Variants in GALNT1 observed in about 807,000 individuals in gnomAD.
GALNT1 encodes the protein polypeptide N-acetylgalactosaminyltransferase 1, also known as GalNAc transferase 1.
Under a neutral mutation model 65.7 loss-of-function variants are expected in GALNT1, and 17 were observed. That is an observed-to-expected ratio of 0.26 (90% CI 0.18 to 0.39). GALNT1 has a LOEUF of 0.39. Ranked by LOEUF, GALNT1 falls within the 10% of genes least tolerant of loss-of-function variation. GALNT1 has a pLI of 1.00. For missense variants in GALNT1, 460 were observed against 672.8 expected (o/e 0.68, Z 3.50); for synonymous variants, 210 against 219.7 (o/e 0.96, Z 0.39).
chr18:35,591,517 C>A (rs1041476252), intron 1 of GALNT1, among the ~76,000 whole-genome samples: 1 of 152,166 alleles, frequency 6.6e-6, no homozygotes, highest in Non-Finnish European at 1.5e-5. Flanking sequence ...ACAGGTAAAC[C>A]TGTCCCCATG....
chr18:35,663,970 C>G (rs896084874), intron 3 of GALNT1, 168 bp downstream of exon 3: 1 of 600,664 alleles, frequency 1.7e-6, no homozygotes, highest in African/African-American at 1.9e-5. Flanking sequence ...ATATCTCAAG[C>G]TTCTACTGAT....
intron 9 of GALNT1, among the ~76,000 whole-genome samples, chr18:35,701,554 TG>T: frequency 6.6e-6 from 1 of 152,300 alleles, no homozygotes; most frequent in Middle Eastern, 3.4e-3. Context: ...AAAATGATGA[TG>T]TAAATTATGT....
At chr18:35,627,044 G>A (rs544378755) in intron 1 of GALNT1, among the ~76,000 whole-genome samples, 1 of 152,168 alleles carries the variant, frequency 6.6e-6, no homozygotes, top group Non-Finnish European at 1.5e-5. Flanking sequence ...TTCAGTTGGA[G>A]GTCAAATGCA....
At chr18:35,682,782 A>G (rs1268275763) in intron 4 of GALNT1, among the ~76,000 whole-genome samples, 3 of 151,534 alleles carry the variant, frequency 2.0e-5, no homozygotes, top group East Asian at 1.9e-4. Flanking sequence ...TTCTTCTTCA[A>G]TTGCCCTTTC....
intron 3 of GALNT1, among the ~76,000 whole-genome samples, chr18:35,668,710 C>A (rs889656328): frequency 1.3e-5 from 2 of 151,930 alleles, no homozygotes; most frequent in African/African-American, 4.8e-5. Flanking sequence ...CAGTATTGTG[C>A]CTGTAGATAA....
rs200772432 is a variant in GALNT1, at chr18:35,581,833, TGCCGCC to T, written c.-121_-116del. 8.4e-5 allele frequency: 12 copies of T among 143,674 alleles called. No individual in the cohort carries two copies. The highest frequency in any genetic ancestry group is 2.2e-4 in the African/African-American group (9 of 40,078). The allele number at this position is 143,674 out of a possible 1,614,324, so 8.9% of individuals were successfully genotyped here. ...CGCCGCGGCCGGCCCGGAGGACGCC[TGCCGCC>T]GCCGCCGCCGCGCGCCTAGCGAGGT... is the stretch of plus-strand genomic sequence containing the variant. On this transcript the variant is annotated 5_prime_UTR_variant, in exon 1 of 12. Coordinates refer to ENST00000269195, the MANE Select transcript of GALNT1 (RefSeq NM_020474.4).
chr18:35,609,854 T>G (rs1366298018), intron 1 of GALNT1, among the ~76,000 whole-genome samples: 1 of 152,198 alleles, frequency 6.6e-6, no homozygotes. Context: ...TAATTAATGT[T>G]TTTACTATTT....
At chr18:35,593,954 C>T (rs2046475031) in intron 1 of GALNT1, among the ~76,000 whole-genome samples, 1 of 152,154 alleles carries the variant, frequency 6.6e-6, no homozygotes, top group East Asian at 1.9e-4. Context: ...AGGTGATCTA[C>T]CCACCTCAGC....
At chr18:35,663,925 C>A (rs1043138667) in intron 3 of GALNT1, 123 bp downstream of exon 3, 5 of 804,306 alleles carry the variant, frequency 6.2e-6, no homozygotes, top group Non-Finnish European at 1.0e-5. Context: ...TACTACTTAC[C>A]CCACTTAGAA....
intron 2 of GALNT1, among the ~76,000 whole-genome samples, chr18:35,661,061 A>G (rs2047471022): frequency 6.6e-6 from 1 of 152,204 alleles, no homozygotes; most frequent in Non-Finnish European, 1.5e-5. Flanking sequence ...CTCAAAACCA[A>G]CTTTAAGCTT....
intron 7 of GALNT1, among the ~76,000 whole-genome samples, chr18:35,689,809 G>A (rs1226923182): frequency 6.6e-6 from 1 of 152,160 alleles, no homozygotes; most frequent in Non-Finnish European, 1.5e-5. Context: ...TGCATTTCAT[G>A]TTCACTAGAA....
chr18:35,705,216 T>G (rs2048236415), intron 11 of GALNT1, among the ~76,000 whole-genome samples: 2 of 152,158 alleles, frequency 1.3e-5, no homozygotes, highest in South Asian at 4.1e-4. Flanking sequence ...TAAGATAATA[T>G]GCTTCCCTCT....
chr18:35,692,117 A>G (rs1376864003), intron 8 of GALNT1, 64 bp from the exon 9 acceptor site: 3 of 1,396,206 alleles, frequency 2.1e-6, no homozygotes, highest in South Asian at 2.4e-5. Flanking sequence ...ATTAGATTCA[A>G]TATATAAACA....
chr18:35,680,896 G>A (rs1257790429), intron 4 of GALNT1, among the ~76,000 whole-genome samples: 3 of 152,096 alleles, frequency 2.0e-5, no homozygotes, highest in Admixed American at 2.0e-4. Context: ...CCTAGTTTAT[G>A]TCAGAAGTTA....
At chr18:35,641,434 A>G (rs2047161701) in intron 1 of GALNT1, among the ~76,000 whole-genome samples, 1 of 152,048 alleles carries the variant, frequency 6.6e-6, no homozygotes, top group Non-Finnish European at 1.5e-5. Flanking sequence ...ACAGAGGGAG[A>G]CCCTGTCTCC....
At position 35,691,039 on chromosome 18, in the gene GALNT1, A is replaced by G. The variant is rs2047953218; in HGVS notation, c.1006A>G (p.Ile336Val). ...TTGGCAGTGTGGAGGAACTTTGGAA[A>G]TTGTTACATGCTCACATGTTGGACA... ...RIWQCGGTLEIVTCSHVGHVF... is the reference protein window; with the variant it reads ...RIWQCGGTLEVVTCSHVGHVF... Residue 336 changes from isoleucine (I) to valine (V), a missense_variant, in exon 8 of 12, where the codon ATT (isoleucine) becomes GTT (valine). By Grantham distance (29) the Ile-to-Val change is conservative. Coordinates refer to ENST00000269195, the MANE Select transcript of GALNT1 (RefSeq NM_020474.4). 2.5e-6 allele frequency: 4 copies of G among 1,604,482 alleles called. No homozygotes were observed. The highest frequency in any genetic ancestry group is 2.5e-6 in the Non-Finnish European group (3 of 1,176,514).
intron 1 of GALNT1, among the ~76,000 whole-genome samples, chr18:35,621,174 T>C (rs2046846275): frequency 6.7e-6 from 1 of 150,220 alleles, no homozygotes; most frequent in Non-Finnish European, 1.5e-5. Context: ...TTTTGTTGTT[T>C]GTTTTATTTA....
intron 6 of GALNT1, among the ~76,000 whole-genome samples, chr18:35,687,586 ACTTGTACCAT>A (rs1266575068): frequency 6.6e-6 from 1 of 152,202 alleles, no homozygotes; most frequent in Non-Finnish European, 1.5e-5. Flanking sequence ...TTAAATTCAG[ACTTGTACCAT>A]CTGGATGACA....
chr18:35,706,592 G>A lies in GALNT1; in HGVS notation c.1533+2949G>A, dbSNP rs552443980. Among the ~76,000 whole-genome samples, 8 of 152,328 alleles carry A rather than the reference G, an allele frequency of 5.3e-5. No individual in the cohort carries two copies. In the South Asian group the frequency reaches 1.7e-3, roughly 32 times the overall value. ...TCGCTTTGCAAGGTTTTTTCCTGCT[G>A]AGATAAAACATTAATGCTGGGGATT... On this transcript the variant is annotated intron_variant, in intron 11 of 11. Coordinates refer to ENST00000269195, the MANE Select transcript of GALNT1 (RefSeq NM_020474.4).
Sources: allele counts gnomAD v4.1 joint callset (sites outside exome capture counted in the v4.1 genomes callset), GRCh38; gene constraint gnomAD v4.1.1; transcripts MANE v1.5; gene names NCBI Gene and HGNC (gene_info 2026-07-23, HGNC 2026-07-21).